The following MINDY2 variants were observed in gnomAD, a reference collection of about 807,000 sequenced individuals.
MINDY2 encodes the protein ubiquitin carboxyl-terminal hydrolase MINDY-2.
In MINDY2, 52 loss-of-function variants were observed where a neutral mutation model predicts 68.2. That is an observed-to-expected ratio of 0.76 (90% CI 0.61 to 0.96). MINDY2 has a LOEUF of 0.96. Ranked by LOEUF, MINDY2 falls within the 40% of genes least tolerant of loss-of-function variation. The probability of loss-of-function intolerance (pLI) is 0.00; values close to 1 mark genes in which losing one functional copy is unlikely to be tolerated. For missense variants in MINDY2, 881 were observed against 773.4 expected (o/e 1.14, Z -1.65); for synonymous variants, 372 against 303.0 (o/e 1.23, Z -2.36).
rs1399313317 is a variant in MINDY2 at position 58,860,484 on chromosome 15, G to C, written c.*5874G>C. The C allele has an allele frequency of 6.7e-6, 1 of 150,050 alleles. No individual in the cohort carries two copies. The highest frequency in any genetic ancestry group is 2.5e-5 in the African/African-American group (1 of 40,528). The allele number at this position is 150,050 out of a possible 1,614,324, so 9.3% of individuals were successfully genotyped here. On this transcript the variant is annotated 3_prime_UTR_variant, in exon 9 of 9. Coordinates refer to ENST00000559228, the MANE Select transcript of MINDY2 (RefSeq NM_001040450.3). ...AGCCACTGGGGAGGTTGAGGCGCAA[G>C]AATCGCTTGAACCCGGAAGGCAGAG...
At chr15:58,795,968 A>G (rs893227314) in intron 2 of MINDY2, 4 of 383,176 alleles carry the variant, frequency 1.0e-5, no homozygotes, top group Admixed American at 2.9e-5. Context: ...AGAAGAAAGG[A>G]GAAAGGGTAT....
At chr15:58,850,722 C>T (rs1288958437) in intron 7 of MINDY2, among the ~76,000 whole-genome samples, 2 of 151,874 alleles carry the variant, frequency 1.3e-5, no homozygotes, top group African/African-American at 2.4e-5. Context: ...GTAGCTGGGA[C>T]CATGGGCATG....
chr15:58,784,066 C>G (rs1232466714), intron 1 of MINDY2, among the ~76,000 whole-genome samples: 1 of 152,030 alleles, frequency 6.6e-6, no homozygotes, highest in African/African-American at 2.4e-5. Context: ...TGGCTCACAC[C>G]TGTAATACCA....
chr15:58,845,055 T>C (rs1337633127), intron 6 of MINDY2, among the ~76,000 whole-genome samples: 2 of 144,832 alleles, frequency 1.4e-5, no homozygotes, highest in Non-Finnish European at 1.5e-5. Context: ...AAAAAAAAAA[T>C]CTCATAATCA....
intron 5 of MINDY2, among the ~76,000 whole-genome samples, chr15:58,823,844 T>C (rs1358075685): frequency 4.6e-5 from 7 of 152,334 alleles, no homozygotes; most frequent in Non-Finnish European, 1.0e-4. Context: ...CTCAATGAGC[T>C]AGAATGTATG....
At chr15:58,829,532 A>G (rs1001028850) in intron 5 of MINDY2, among the ~76,000 whole-genome samples, 12 of 152,204 alleles carry the variant, frequency 7.9e-5, no homozygotes, top group African/African-American at 2.9e-4. Flanking sequence ...TTTCACACTA[A>G]CATGAAAGTA....
intron 5 of MINDY2, among the ~76,000 whole-genome samples, chr15:58,824,672 T>C (rs1467674970): frequency 8.5e-6 from 1 of 117,992 alleles, no homozygotes; most frequent in South Asian, 2.3e-4. Flanking sequence ...TCATATTATC[T>C]TTTTTTTTTT....
rs191618449 is a variant in MINDY2, at chr15:58,849,103, G to C, written c.1542+1633G>C. The stretch of plus-strand genomic sequence containing the variant: ...TGCGCACCTGTAACCCCAACTACTC[G>C]GGAGGCTGAGGTGAGAGAATCACTT... On this transcript the variant is annotated intron_variant, in intron 7 of 8. Transcript: ENST00000559228. Among the ~76,000 whole-genome samples, 31 of 151,986 alleles carry C rather than the reference G, an allele frequency of 2.0e-4. No individual in the cohort carries two copies. In the East Asian group the frequency reaches 5.8e-3, roughly 29 times the overall value.
chr15:58,791,245 A>G (rs1901886868), intron 2 of MINDY2, among the ~76,000 whole-genome samples: 1 of 78,912 alleles, frequency 1.3e-5, no homozygotes, highest in Non-Finnish European at 2.3e-5. Flanking sequence ...ATATATATAT[A>G]TATATATATA....
intron 2 of MINDY2, among the ~76,000 whole-genome samples, chr15:58,797,812 T>C (rs1285590048): frequency 6.6e-6 from 1 of 152,064 alleles, no homozygotes; most frequent in Non-Finnish European, 1.5e-5. Flanking sequence ...GTTCTGCAAA[T>C]GAAGAGATAC....
At chr15:58,777,746 C>G (rs373054908) in intron 1 of MINDY2, among the ~76,000 whole-genome samples, 2 of 152,040 alleles carry the variant, frequency 1.3e-5, no homozygotes, top group South Asian at 2.1e-4. Context: ...TTGTTTACCT[C>G]TCATTTTCAA....
chr15:58,844,273 C>A (rs1035405084), intron 6 of MINDY2, among the ~76,000 whole-genome samples: 2 of 152,156 alleles, frequency 1.3e-5, no homozygotes, highest in Non-Finnish European at 2.9e-5. Flanking sequence ...GTTGGCCGGG[C>A]ACGGTGGCTC....
chr15:58,854,365 C>G, intron 8 of MINDY2, 117 bp from the exon 9 acceptor site: 1 of 1,139,900 alleles, frequency 8.8e-7, no homozygotes. Flanking sequence ...ATGCCAATAG[C>G]TAGCTTCTTT....
intron 3 of MINDY2, among the ~76,000 whole-genome samples, chr15:58,809,825 G>T (rs997603016): frequency 2.6e-5 from 4 of 152,216 alleles, no homozygotes; most frequent in East Asian, 1.9e-4. Flanking sequence ...TGTTGACCAG[G>T]CTGGAATGCA....
At chr15:58,781,521 T>A (rs369959705) in intron 1 of MINDY2, among the ~76,000 whole-genome samples, 1 of 152,154 alleles carries the variant, frequency 6.6e-6, no homozygotes, top group Non-Finnish European at 1.5e-5. Flanking sequence ...GAGGATAGGG[T>A]CTAAATTATG....
At chr15:58,797,270 A>C (rs1302420320) in intron 2 of MINDY2, among the ~76,000 whole-genome samples, 2 of 152,134 alleles carry the variant, frequency 1.3e-5, no homozygotes, top group African/African-American at 4.8e-5. Flanking sequence ...ACTTCGCGAG[A>C]CTGAGGCAGG....
chr15:58,809,778 C>T (rs553772600), intron 3 of MINDY2, among the ~76,000 whole-genome samples: 1 of 152,096 alleles, frequency 6.6e-6, no homozygotes, highest in Non-Finnish European at 1.5e-5. Context: ...TGGACTTTGT[C>T]TTGTTTTGTT....
rs1352800932 is a variant in MINDY2 at position 58,787,911 on chromosome 15, A to G, written c.846A>G (p.Lys282=). ...LNVLLLAWKV[K]LPPMMEIITA... ...AATAATATTTTGTTTTTCAGGTGAA[A>G]CTTCCACCGATGATGGAAATCATAA... Residue 282 remains lysine, a synonymous_variant, in exon 2 of 9, where the codon AAA becomes AAG. Coordinates refer to ENST00000559228, the MANE Select transcript of MINDY2 (RefSeq NM_001040450.3). 2 of 1,593,184 alleles carry G rather than the reference A, an allele frequency of 1.3e-6. No homozygotes were observed. Among genetic ancestry groups the G allele is most frequent in the African/African-American group, 1.3e-5 (1 of 74,082 alleles).
intron 3 of MINDY2, among the ~76,000 whole-genome samples, chr15:58,805,305 T>C (rs751033931): frequency 6.6e-6 from 1 of 152,256 alleles, no homozygotes; most frequent in Non-Finnish European, 1.5e-5. Context: ...TAGTGTTCTT[T>C]TTTGTGTAAT....
Sources: allele counts gnomAD v4.1 joint callset (sites outside exome capture counted in the v4.1 genomes callset), GRCh38; gene constraint gnomAD v4.1.1; transcripts MANE v1.5; gene names NCBI Gene and HGNC (gene_info 2026-07-23, HGNC 2026-07-21).